Variants in CHCHD3 observed in about 807,000 individuals in gnomAD.
CHCHD3 encodes the protein coiled-coil-helix-coiled-coil-helix domain containing 3.
Under a neutral mutation model 38.2 loss-of-function variants are expected in CHCHD3, and 20 were observed. That is an observed-to-expected ratio of 0.52 (90% CI 0.37 to 0.76). The LOEUF is 0.76. CHCHD3 is among the 30% of genes least tolerant of loss of function. CHCHD3 has a pLI of 0.00. For synonymous variants in CHCHD3, 82 were observed against 100.0 expected (o/e 0.82, Z 1.07); for missense variants, 245 against 279.2 (o/e 0.88, Z 0.87).
At chr7:132,945,131 T>C (rs1239963839) in intron 4 of CHCHD3, among the ~76,000 whole-genome samples, 1 of 151,964 alleles carries the variant, frequency 6.6e-6, no homozygotes, top group Non-Finnish European at 1.5e-5. Flanking sequence ...CTGAAAAATA[T>C]AAAGAATGCA....
intron 6 of CHCHD3, among the ~76,000 whole-genome samples, chr7:132,799,405 C>T (rs1585524195): frequency 1.3e-5 from 2 of 152,258 alleles, no homozygotes; most frequent in East Asian, 1.9e-4. Context: ...TTCATAGAGT[C>T]AGCAATTGAC....
At chr7:133,027,062 C>T (rs1184759149) in intron 2 of CHCHD3, among the ~76,000 whole-genome samples, 3 of 151,788 alleles carry the variant, frequency 2.0e-5, no homozygotes, top group Admixed American at 6.6e-5. Context: ...CTCAGCCTCC[C>T]GAGTAGCTGG....
At chr7:133,011,184 A>G (rs945189950) in intron 3 of CHCHD3, among the ~76,000 whole-genome samples, 8 of 152,226 alleles carry the variant, frequency 5.3e-5, no homozygotes, top group African/African-American at 1.9e-4. Context: ...TCCAAGTATC[A>G]GAGGGTGTAA....
intron 1 of CHCHD3, among the ~76,000 whole-genome samples, chr7:133,078,078 T>G (rs1011509658): frequency 4.6e-5 from 7 of 151,880 alleles, no homozygotes; most frequent in African/African-American, 2.4e-5. Context: ...GAGGCTGAGG[T>G]GGGTAGATCA....
chr7:132,979,461 T>C (rs987011908), intron 3 of CHCHD3, among the ~76,000 whole-genome samples: 1 of 152,198 alleles, frequency 6.6e-6, no homozygotes, highest in Non-Finnish European at 1.5e-5. Flanking sequence ...TGATTACAAA[T>C]AACAGATGCA....
At chr7:132,815,774 G>C (rs755326258) in intron 6 of CHCHD3, 10 of 298,916 alleles carry the variant, frequency 3.3e-5, no homozygotes, top group Non-Finnish European at 5.9e-5. Context: ...TCCTATTTCT[G>C]GTTTACGCAC....
rs140416301 is a variant in CHCHD3 at position 132,915,257 on chromosome 7, C to T, written c.370-29512G>A. Among the ~76,000 whole-genome samples, 152 of 152,108 alleles carry T rather than the reference C, an allele frequency of 1.0e-3. No homozygotes were observed. In the Middle Eastern group the frequency reaches 0.034, roughly 34 times the overall value. On this transcript the variant is annotated intron_variant, in intron 4 of 7. Coordinates refer to ENST00000262570, the MANE Select transcript of CHCHD3 (RefSeq NM_017812.4). ...GATTTCGAGCTATGGTAAGGAGGAA[C>T]GGACTTTGGGGAAACATGGGGTCAG...
intron 6 of CHCHD3, among the ~76,000 whole-genome samples, chr7:132,824,205 T>C (rs1807449234): frequency 4.0e-5 from 6 of 151,312 alleles, no homozygotes; most frequent in Admixed American, 1.3e-4. Context: ...TATTATTTGA[T>C]AGAAGACTTC....
At chr7:132,952,892 T>G (rs1394835230) in intron 4 of CHCHD3, among the ~76,000 whole-genome samples, 1 of 152,222 alleles carries the variant, frequency 6.6e-6, no homozygotes, top group African/African-American at 2.4e-5. Context: ...ACCTTTGAAG[T>G]GTTCTAAAGA....
intron 2 of CHCHD3, among the ~76,000 whole-genome samples, chr7:133,048,427 G>A (rs150873311): frequency 2.0e-5 from 3 of 152,270 alleles, no homozygotes; most frequent in African/African-American, 7.2e-5. Context: ...GAGTTCCATA[G>A]GGATAGTCAG....
At chr7:133,036,130 C>T (rs1813667729) in intron 2 of CHCHD3, 2 of 604,900 alleles carry the variant, frequency 3.3e-6, no homozygotes, top group South Asian at 3.8e-5. Flanking sequence ...CCCTCCCCAA[C>T]TCTCACCCCA....
chr7:133,035,303 T>C lies in CHCHD3; in HGVS notation c.170-10676A>G, dbSNP rs1584661951. The C allele has an allele frequency of 6.2e-7, 1 of 1,611,910 alleles. No homozygotes were observed. Among genetic ancestry groups the C allele is most frequent in the Non-Finnish European group, 8.5e-7 (1 of 1,178,038 alleles). On this transcript the variant is annotated intron_variant, in intron 2 of 7. Transcript: ENST00000262570. This position sits in a 1 kb window ranked among gnomAD's most constrained non-coding sequence, Gnocchi z 4.7. ...GGGCCATCTTCTCACACAGTTTCAGTTCCCCCAAGACAGCCCGGAACTGGG... is the reference window on the plus strand; with the variant it reads ...GGGCCATCTTCTCACACAGTTTCAGCTCCCCCAAGACAGCCCGGAACTGGG...
chr7:132,918,395 A>G (rs1257440608), intron 4 of CHCHD3, among the ~76,000 whole-genome samples: 1 of 152,224 alleles, frequency 6.6e-6, no homozygotes, highest in East Asian at 1.9e-4. Context: ...AGTTTGGGTA[A>G]AGCCCTGGCA....
chr7:132,983,927 T>C (rs1050704943), intron 3 of CHCHD3, among the ~76,000 whole-genome samples: 3 of 151,618 alleles, frequency 2.0e-5, no homozygotes, highest in African/African-American at 7.3e-5. Context: ...AGAAATACCT[T>C]TTAATCTTGT....
chr7:133,025,056 A>G (rs1813299179), intron 2 of CHCHD3, among the ~76,000 whole-genome samples: 2 of 152,224 alleles, frequency 1.3e-5, no homozygotes, highest in Non-Finnish European at 1.5e-5. Flanking sequence ...TAACAAAATC[A>G]TGTACTACAA....
intron 4 of CHCHD3, among the ~76,000 whole-genome samples, chr7:132,919,008 G>T (rs1810189407): frequency 6.6e-6 from 1 of 151,384 alleles, no homozygotes. Context: ...TCTCCACGAG[G>T]TAGATTCTGT....
chr7:133,048,013 C>A (rs571644540), intron 2 of CHCHD3, among the ~76,000 whole-genome samples: 1 of 151,820 alleles, frequency 6.6e-6, no homozygotes, highest in Admixed American at 6.6e-5. Context: ...CGCTTGAATG[C>A]GGGAGGTGGA....
rs35863843 is a variant in CHCHD3, at chr7:133,013,206, A to AAAAAAAAAAG, written c.251+11339_251+11340insCTTTTTTTTT. Among the ~76,000 whole-genome samples the AAAAAAAAAAG allele has an allele frequency of 2.1e-4, 23 of 108,730 alleles. 6 individuals are homozygous for AAAAAAAAAAG. Among genetic ancestry groups the AAAAAAAAAAG allele is most frequent in the Non-Finnish European group, 2.1e-4 (12 of 55,928 alleles). The allele number at this position is 108,730 out of a possible 152,430, so 71.3% of individuals were successfully genotyped here. A position where few individuals can be genotyped will look rare whatever the true frequency, so the allele number is the denominator to read the frequency against. On this transcript the variant is annotated intron_variant, in intron 3 of 7. Coordinates refer to ENST00000262570, the MANE Select transcript of CHCHD3 (RefSeq NM_017812.4). ...GCCTCAAAAAAAAAAAAAAAAAAAA[A>AAAAAAAAAAG]CATTCAGACAGACATATAATAGGTA...
intron 5 of CHCHD3, among the ~76,000 whole-genome samples, chr7:132,847,632 T>C (rs1808109220): frequency 1.3e-5 from 2 of 152,348 alleles, no homozygotes; most frequent in Non-Finnish European, 2.9e-5. Flanking sequence ...GTCTCACTTT[T>C]AAAAGTGTAT....
Sources: allele counts gnomAD v4.1 joint callset (sites outside exome capture counted in the v4.1 genomes callset), GRCh38; gene constraint gnomAD v4.1.1; non-coding constraint Gnocchi (gnomAD v3.1); transcripts MANE v1.5; gene names NCBI Gene and HGNC (gene_info 2026-07-23, HGNC 2026-07-21).